Variants in CDC42BPB observed in about 807,000 individuals in gnomAD.
The protein encoded by CDC42BPB is serine/threonine-protein kinase MRCK beta.
A neutral mutation model predicts 214.9 loss-of-function variants in CDC42BPB; 37 were observed. The ratio of observed to expected loss-of-function variants is 0.17; its 90% CI spans 0.13 to 0.23. The LOEUF is 0.23. Among genes scored for constraint, CDC42BPB ranks in the 10% least tolerant of loss-of-function variants. The pLI, the probability that CDC42BPB is intolerant of heterozygous loss-of-function variation, is 1.00. For missense variants in CDC42BPB, 1,694 were observed against 2,227.0 expected (o/e 0.76, Z 4.82); for synonymous variants, 931 against 884.0 (o/e 1.05, Z -0.94).
rs566116613 is a variant in CDC42BPB at position 102,977,255 on chromosome 14, C to T, written c.1220+871G>A. On this transcript the variant is annotated intron_variant, in intron 9 of 36. Transcript: ENST00000361246. ...TCAGGAGGCTGCGGCAGGGGAATCGCTTGAACCCGGGAGGCAGAAGTTGCA... is the reference window on the plus strand; with the variant it reads ...TCAGGAGGCTGCGGCAGGGGAATCGTTTGAACCCGGGAGGCAGAAGTTGCA... Among the ~76,000 whole-genome samples the T allele has an allele frequency of 1.7e-3, 245 of 145,582 alleles. 2 individuals carry two copies. Among genetic ancestry groups the T allele is most frequent in the African/African-American group, 5.9e-3 (237 of 40,140 alleles).
intron 1 of CDC42BPB, among the ~76,000 whole-genome samples, chr14:103,026,430 T>C (rs563451194): frequency 6.6e-6 from 1 of 152,242 alleles, no homozygotes; most frequent in African/African-American, 2.4e-5. Context: ...CATGTAAATC[T>C]TTGTGGCCTT....
chr14:102,984,354 C>A (rs1411002655), intron 6 of CDC42BPB, among the ~76,000 whole-genome samples: 1 of 152,140 alleles, frequency 6.6e-6, no homozygotes, highest in East Asian at 1.9e-4. Context: ...GCACAAGAGG[C>A]TGCATTTCTA....
At chr14:103,015,335 A>T (rs1248418591) in intron 1 of CDC42BPB, among the ~76,000 whole-genome samples, 1 of 152,206 alleles carries the variant, frequency 6.6e-6, no homozygotes, top group Non-Finnish European at 1.5e-5. Flanking sequence ...GTATAAAAAT[A>T]ATTAGGCTGG....
Position 103,001,748 on chromosome 14 carries a change from G to A in CDC42BPB, c.448-2035C>T, listed in dbSNP as rs1053366756. Among the ~76,000 whole-genome samples the A allele has an allele frequency of 4.6e-5, 7 of 152,166 alleles. No individual in the cohort carries two copies. The highest frequency in any genetic ancestry group is 7.2e-5 in the African/African-American group (3 of 41,430). ...CGGGGCCAGGGGAGATGCGGTGAAC[G>A]AACGGCCAGGCCCTCGGGCCCCTAA... On this transcript the variant is annotated intron_variant, in intron 4 of 36. Coordinates refer to ENST00000361246, the MANE Select transcript of CDC42BPB (RefSeq NM_006035.4). This position sits in a 1 kb window ranked among gnomAD's most constrained non-coding sequence, Gnocchi z 5.8.
intron 29 of CDC42BPB, chr14:102,945,248 C>T (rs1892104451): frequency 2.2e-6 from 1 of 458,828 alleles, no homozygotes; most frequent in African/African-American, 2.0e-5. Flanking sequence ...TTCCAGTCTC[C>T]TGACGTTTCT....
chr14:102,963,388 A>C (rs2139438852), intron 19 of CDC42BPB: 31 of 604,716 alleles, frequency 5.1e-5, no homozygotes, highest in Non-Finnish European at 6.2e-5. Context: ...GGCGTGTCTC[A>C]TGAAGGCCTA....
At position 102,972,056 on chromosome 14, in the gene CDC42BPB, G is replaced by A. The variant is rs141131354; in HGVS notation, c.1747C>T (p.Arg583Cys). ...TTCTGGGCACGGAGCTCTGCCATGC[G>A]CTCGTTCAGCTCCGAGAACTCCTGC... is the stretch of plus-strand genomic sequence containing the variant. ...ALQEFSELNE[R>C]MAELRAQKQK... The change falls in exon 13 of 37, where the codon CGC becomes TGC. Residue 583 changes from arginine to cysteine, a missense_variant. By Grantham distance (180) the Arg-to-Cys change is radical (BLOSUM62 -3). Around this residue, in one of 7 missense-constraint regions of CDC42BPB, gnomAD observed 462 missense variants for 513.5 expected, o/e 0.90. Transcript: ENST00000361246. 2.4e-5 allele frequency: 39 copies of A among 1,614,246 alleles called. No homozygotes were observed. Among genetic ancestry groups the A allele is most frequent in the Admixed American group, 6.7e-5 (4 of 60,028 alleles).
intron 24 of CDC42BPB, among the ~76,000 whole-genome samples, chr14:102,951,805 AAAG>A (rs1026553587): frequency 6.6e-6 from 1 of 152,228 alleles, no homozygotes; most frequent in Non-Finnish European, 1.5e-5. Context: ...AAATAGAAAA[AAAG>A]AAAAAAAATA....
Position 102,950,481 on chromosome 14 carries a change from G to A in CDC42BPB, c.3294C>T (p.Tyr1098=). ...AGCCGCCTACCTTGACATGGCCTTT[G>A]TAGGCTGTTCCGATGCCTCGCTGCA... is the stretch of plus-strand genomic sequence containing the variant. ...VDVQRGIGTA[Y]KGHVKVPKPT... Residue 1098 remains tyrosine (Y), a synonymous_variant, in exon 25 of 37, where the codon TAC becomes TAT. Transcript: ENST00000361246. 6.2e-7 allele frequency: 1 copy of A among 1,613,070 alleles called. No individual in the cohort carries two copies. The highest frequency in any genetic ancestry group is 2.2e-5 in the East Asian group (1 of 44,896).
chr14:102,946,784 G>A (rs974061154), intron 27 of CDC42BPB, 100 bp from the exon 28 acceptor site: 36 of 1,496,334 alleles, frequency 2.4e-5, no homozygotes, highest in East Asian at 4.7e-5. Flanking sequence ...CAGGAGCAAC[G>A]GGGGCTGATG....
chr14:103,055,938 T>G lies in CDC42BPB; in HGVS notation c.175+1061A>C, dbSNP rs115703404. On this transcript the variant is annotated intron_variant, in intron 1 of 36. Transcript: ENST00000361246. The stretch of plus-strand genomic sequence containing the variant: ...AAATGACCCAAGGATAAGGTTTTCA[T>G]AGGTTTGGCCTGAACATACGCATTT... 7.7e-3 allele frequency among the ~76,000 whole-genome samples: 1,179 copies of G among 152,366 alleles called. 9 individuals are homozygous for G. Among genetic ancestry groups the G allele is most frequent in the Non-Finnish European group, 0.012 (803 of 68,040 alleles).
At chr14:103,003,900 T>G in intron 4 of CDC42BPB, 28 bp downstream of exon 4, 1 of 1,575,014 alleles carries the variant, frequency 6.3e-7, no homozygotes, top group South Asian at 1.1e-5. Context: ...GCGAATGCCC[T>G]GACCGAGTCT....
At chr14:103,022,660 T>C (rs182397237) in intron 1 of CDC42BPB, among the ~76,000 whole-genome samples, 22 of 152,330 alleles carry the variant, frequency 1.4e-4, no homozygotes, top group African/African-American at 5.1e-4. Flanking sequence ...ATCCAGCTGT[T>C]AGGGGGCAGG....
At chr14:102,949,450 G>A (rs1479216753) in intron 26 of CDC42BPB, among the ~76,000 whole-genome samples, 1 of 151,958 alleles carries the variant, frequency 6.6e-6, no homozygotes, top group Non-Finnish European at 1.5e-5. Flanking sequence ...GATATCTTCT[G>A]CTTGTTCTTG....
chr14:103,013,747 C>T (rs1054040136), intron 1 of CDC42BPB, among the ~76,000 whole-genome samples: 20 of 152,356 alleles, frequency 1.3e-4, no homozygotes, highest in South Asian at 6.2e-4. Flanking sequence ...GAGCGTTCCC[C>T]GGAGCCTGCG....
chr14:102,954,372 G>T, intron 22 of CDC42BPB, 97 bp from the exon 23 acceptor site: 1 of 1,448,566 alleles, frequency 6.9e-7, no homozygotes, highest in Non-Finnish European at 9.1e-7. Flanking sequence ...TGTGTTAACA[G>T]TGAACAGTTC....
intron 5 of CDC42BPB, among the ~76,000 whole-genome samples, chr14:102,995,107 CTCTGT>C (rs544073855): frequency 4.3e-4 from 65 of 151,806 alleles, no homozygotes; most frequent in Non-Finnish European, 7.2e-4. Context: ...AAAATTTGTA[CTCTGT>C]TCTTATTTTG....
intron 12 of CDC42BPB, 63 bp downstream of exon 12, chr14:102,973,953 C>G: frequency 6.5e-7 from 1 of 1,537,310 alleles, no homozygotes; most frequent in Non-Finnish European, 8.8e-7. Flanking sequence ...TCGGCATGAA[C>G]GTGACCTTAC....
At chr14:103,022,118 C>G (rs940418799) in intron 1 of CDC42BPB, among the ~76,000 whole-genome samples, 2 of 152,048 alleles carry the variant, frequency 1.3e-5, no homozygotes, top group Non-Finnish European at 2.9e-5. Context: ...AGGACAGAAC[C>G]CTGGGGGGCT....
Sources: gnomAD v4.1 joint callset for allele counts (sites outside exome capture counted in the v4.1 genomes callset) on GRCh38, gnomAD v4.1.1 for gene constraint, gnomAD v4.1.1 regional missense constraint, Gnocchi (gnomAD v3.1) non-coding constraint, MANE v1.5 for transcripts, NCBI Gene and HGNC (gene_info 2026-07-23, HGNC 2026-07-21) for gene names.